The following GPHN variants were observed in gnomAD, a reference collection of about 807,000 sequenced individuals.
GPHN encodes gephyrin.
In GPHN, 17 loss-of-function variants were observed where a neutral mutation model predicts 95.5. The observed-to-expected ratio is 0.18, with a 90% confidence interval of 0.12 to 0.27. The LOEUF is 0.27. GPHN is among the 10% of genes least tolerant of loss of function. The pLI, the probability that GPHN is intolerant of heterozygous loss-of-function variation, is 1.00. For missense variants in GPHN, 660 were observed against 978.1 expected (o/e 0.67, Z 4.34); for synonymous variants, 320 against 322.5 (o/e 0.99, Z 0.08).
At chr14:67,462,669 T>C in the GPHN span, among the ~76,000 whole-genome samples, 4 of 152,198 alleles carry the variant, frequency 2.6e-5, no homozygotes, top group Non-Finnish European at 5.9e-5. Context: ...TGGAAAGCTG[T>C]GAGGGGCACC....
At chr14:67,430,666 G>C in the GPHN span, among the ~76,000 whole-genome samples, 1 of 152,120 alleles carries the variant, frequency 6.6e-6, no homozygotes, top group African/African-American at 2.4e-5. Flanking sequence ...CTTGGTGGAG[G>C]GGCTGGGCAG....
At chr14:67,180,670 C>T (rs891603512) in intron 22 of GPHN, 134 bp from the exon 23 acceptor site, 4 of 789,314 alleles carry the variant, frequency 5.1e-6, no homozygotes, top group Middle Eastern at 3.4e-4. Flanking sequence ...GAAAAAGGTA[C>T]TGGAAAGTTT....
At chr14:67,684,949 C>A in the GPHN span, 1 of 1,395,458 alleles carries the variant, frequency 7.2e-7, no homozygotes, top group South Asian at 1.4e-5. Context: ...AGGGTATACC[C>A]AGACAAACCC....
the GPHN span, among the ~76,000 whole-genome samples, chr14:67,507,461 C>T: frequency 6.6e-6 from 1 of 152,058 alleles, no homozygotes; most frequent in African/African-American, 2.4e-5. Context: ...GAAGCAGACC[C>T]TGGAGTCCCC....
At chr14:67,570,325 C>G in the GPHN span, 4 of 1,077,814 alleles carry the variant, frequency 3.7e-6, no homozygotes, top group African/African-American at 1.6e-5. Context: ...GGGGCTCCTT[C>G]TAGAATTACT....
intron 10 of GPHN, among the ~76,000 whole-genome samples, chr14:67,053,467 A>C (rs1252117947): frequency 6.6e-6 from 1 of 152,184 alleles, no homozygotes; most frequent in African/African-American, 2.4e-5. Context: ...TGAGGCAGTA[A>C]TTAATAGCCT....
chr14:67,552,307 G>A, the GPHN span, among the ~76,000 whole-genome samples: 60 of 152,354 alleles, frequency 3.9e-4, no homozygotes, highest in African/African-American at 1.3e-3. Context: ...GCTTTGCAGA[G>A]CTCCAGGTGT....
At chr14:67,009,431 A>C (rs1293590077) in intron 9 of GPHN, among the ~76,000 whole-genome samples, 1 of 152,118 alleles carries the variant, frequency 6.6e-6, no homozygotes, top group East Asian at 1.9e-4. Context: ...TGCATCATAT[A>C]ATGACCCTGT....
the GPHN span, among the ~76,000 whole-genome samples, chr14:67,296,071 G>C: frequency 1.3e-5 from 2 of 152,104 alleles, no homozygotes; most frequent in Admixed American, 1.3e-4. Context: ...ACAGCACCGA[G>C]ATGTGCCTAA....
chr14:67,680,751 G>A, the GPHN span, among the ~76,000 whole-genome samples: 664 of 152,314 alleles, frequency 4.4e-3, 5 homozygotes, highest in African/African-American at 0.015. Flanking sequence ...GAGCCGCCGC[G>A]CCCAGCCAAG....
At chr14:67,707,340 C>A in the GPHN span, among the ~76,000 whole-genome samples, 1 of 152,192 alleles carries the variant, frequency 6.6e-6, no homozygotes, top group South Asian at 2.1e-4. Flanking sequence ...TTTCTCTCTC[C>A]AGTTTCCCAT....
chr14:67,185,368 A>T (rs1232751495), downstream of GPHN, among the ~76,000 whole-genome samples: 1 of 152,236 alleles, frequency 6.6e-6, no homozygotes, highest in African/African-American at 2.4e-5. Flanking sequence ...AAGGGAGAAG[A>T]TGTGAACACA....
intron 5 of GPHN, among the ~76,000 whole-genome samples, chr14:66,888,655 GTAA>G (rs1244074951): frequency 2.0e-5 from 3 of 152,062 alleles, no homozygotes; most frequent in Non-Finnish European, 2.9e-5. Context: ...AATGAAGATA[GTAA>G]TGTAGGAAAT....
chr14:66,540,147 C>G (rs1207294389), intron 1 of GPHN, among the ~76,000 whole-genome samples: 1 of 152,220 alleles, frequency 6.6e-6, no homozygotes, highest in African/African-American at 2.4e-5. Context: ...GGCAGTGGCT[C>G]TGCTCGTGCT....
At position 66,748,982 on chromosome 14, in the gene GPHN, C is replaced by G. The variant is rs945926360; in HGVS notation, c.144-27482C>G. ...TATAATCTAGAGTAGTTCCACTGCCCTAAAAATCCTCTGTATTCTACCTAT... is the reference window on the plus strand; with the variant it reads ...TATAATCTAGAGTAGTTCCACTGCCGTAAAAATCCTCTGTATTCTACCTAT... On this transcript the variant is annotated intron_variant, in intron 2 of 22. Coordinates refer to ENST00000478722, the MANE Select transcript of GPHN (RefSeq NM_020806.5). Among the ~76,000 whole-genome samples, 11 of 151,940 alleles carry G rather than the reference C, an allele frequency of 7.2e-5. No individual in the cohort carries two copies. In the East Asian group the frequency reaches 2.1e-3, roughly 29 times the overall value.
chr14:67,473,978 C>T, the GPHN span: 58 of 1,525,720 alleles, frequency 3.8e-5, no homozygotes, highest in Admixed American at 1.0e-4. The surrounding 1 kb of genome is among the most constrained non-coding windows in gnomAD (Gnocchi z 6.5). Context: ...GAGGGCCGGG[C>T]GCGGTGGCTC....
At chr14:67,253,142 GTTAA>G in the GPHN span, among the ~76,000 whole-genome samples, 1 of 152,166 alleles carries the variant, frequency 6.6e-6, no homozygotes, top group East Asian at 1.9e-4. Context: ...CAATGAACAG[GTTAA>G]CTTATCAAAG....
In GPHN at chr14:66,817,541, A is replaced by G. The variant is rs574659546; in HGVS notation, c.202-6933A>G. The stretch of plus-strand genomic sequence containing the variant: ...AACCACCACAAAATGTGGTGGCTTT[A>G]ACACATATAGTGATTTGTTATTTTT... On this transcript the variant is annotated intron_variant, in intron 3 of 22. Coordinates refer to ENST00000478722, the MANE Select transcript of GPHN (RefSeq NM_020806.5). 2.0e-5 allele frequency among the ~76,000 whole-genome samples: 3 copies of G among 152,302 alleles called. No homozygotes were observed. The East Asian group carries it at 5.8e-4, about 29-fold the overall frequency.
intron 3 of GPHN, among the ~76,000 whole-genome samples, chr14:66,800,730 A>G (rs969768780): frequency 6.6e-6 from 1 of 152,118 alleles, no homozygotes; most frequent in Non-Finnish European, 1.5e-5. Flanking sequence ...GGCTATTGAT[A>G]TCTTTCTCTA....
Sources: allele counts gnomAD v4.1 joint callset (sites outside exome capture counted in the v4.1 genomes callset), GRCh38; gene constraint gnomAD v4.1.1; non-coding constraint Gnocchi (gnomAD v3.1); transcripts MANE v1.5; gene names NCBI Gene and HGNC (gene_info 2026-07-23, HGNC 2026-07-21).